Variants in GRIN3A observed in about 807,000 individuals in gnomAD.
GRIN3A encodes glutamate receptor ionotropic, NMDA 3A.
Under a neutral mutation model 92.4 loss-of-function variants are expected in GRIN3A, and 47 were observed. The observed-to-expected ratio is 0.51, with a 90% CI of 0.40 to 0.65. GRIN3A has a LOEUF of 0.65. Among genes scored for constraint, GRIN3A ranks in the 30% least tolerant of loss-of-function variants. The probability of loss-of-function intolerance (pLI) is 0.00; values close to 1 mark genes in which losing one functional copy is unlikely to be tolerated. For synonymous variants in GRIN3A, 527 were observed against 540.6 expected, an observed-to-expected ratio of 0.97 and a Z score of 0.35; for missense variants, 1,324 against 1,393.1, an observed-to-expected ratio of 0.95 and a Z score of 0.79.
At chr9:101,617,770 T>G (rs1226402960) in intron 5 of GRIN3A, among the ~76,000 whole-genome samples, 1 of 148,848 alleles carries the variant, frequency 6.7e-6, no homozygotes, top group Non-Finnish European at 1.5e-5. Context: ...TAGCATTAGG[T>G]ATATCTCCCA....
At chr9:101,643,677 T>TCA (rs1258280106) in intron 3 of GRIN3A, among the ~76,000 whole-genome samples, 6 of 144,702 alleles carry the variant, frequency 4.1e-5, no homozygotes, top group African/African-American at 1.6e-4. Context: ...TCTCTCTCTC[T>TCA]CTCTCTCACA....
chr9:101,591,207 C>G (rs968520531), intron 6 of GRIN3A, among the ~76,000 whole-genome samples: 1 of 152,152 alleles, frequency 6.6e-6, no homozygotes, highest in Non-Finnish European at 1.5e-5. Context: ...AAAACTGTCT[C>G]GTCTAACATA....
chr9:101,718,961 A>C (rs1829977540), intron 1 of GRIN3A, among the ~76,000 whole-genome samples: 1 of 152,238 alleles, frequency 6.6e-6, no homozygotes. Flanking sequence ...AGGTAAAACA[A>C]CAAGTTAATT....
At chr9:101,580,344 G>A (rs929379660) in intron 6 of GRIN3A, among the ~76,000 whole-genome samples, 3 of 152,160 alleles carry the variant, frequency 2.0e-5, no homozygotes, top group Admixed American at 6.5e-5. Context: ...GGCGCTATTC[G>A]TATGTTAATC....
chr9:101,693,421 GA>G (rs200855469), intron 1 of GRIN3A, among the ~76,000 whole-genome samples: 71 of 146,436 alleles, frequency 4.8e-4, no homozygotes, highest in African/African-American at 1.4e-3. Flanking sequence ...CTGTCTAAAA[GA>G]AAAAAAAAAT....
rs901391644 is a variant in GRIN3A at position 101,571,665 on chromosome 9, A to G, written c.*1509T>C. ...AAAACAAAACAAAACAAAACTTCTC[A>G]AACAGGTTTTCTCTTCATGCTTCTC... is the stretch of plus-strand genomic sequence containing the variant. On this transcript the variant is annotated 3_prime_UTR_variant, in exon 9 of 9. Transcript: ENST00000361820. The G allele has an allele frequency of 6.6e-6, 1 of 152,230 alleles. No homozygotes were observed. Among genetic ancestry groups the G allele is most frequent in the African/African-American group, 2.4e-5 (1 of 41,462 alleles). 9.4% of individuals were successfully genotyped at this position (152,230 alleles called of 1,614,324 possible). A position where few individuals can be genotyped will look rare whatever the true frequency, so the allele number is the denominator to read the frequency against.
rs750110532 is a variant in GRIN3A, at chr9:101,737,654, C to T, written c.326G>A (p.Gly109Asp). ...GGCGCCCTCCCCGGGCTTACGGGAGCCCGGCGGCCCCCGGCCATGCAGGGT... is the reference window on the plus strand; with the variant it reads ...GGCGCCCTCCCCGGGCTTACGGGAGTCCGGCGGCCCCCGGCCATGCAGGGT... ...GSTLHGRGPP[G>D]SRKPGEGARA... The change falls in exon 1 of 9, where the codon GGC (glycine) becomes GAC (aspartate). Residue 109 changes from glycine to aspartate, a missense_variant. Transcript: ENST00000361820. The T allele has an allele frequency of 1.4e-5, 22 of 1,599,814 alleles. No individual in the cohort carries two copies. Among genetic ancestry groups the T allele is most frequent in the Non-Finnish European group, 1.7e-5 (20 of 1,175,380 alleles).
chr9:101,619,862 T>C (rs371405574), intron 5 of GRIN3A, among the ~76,000 whole-genome samples: 4 of 152,320 alleles, frequency 2.6e-5, no homozygotes, highest in African/African-American at 9.6e-5. Context: ...CACTTTTTTT[T>C]CTCCCCTGCA....
At chr9:101,628,640 TG>T (rs1828670876) in intron 3 of GRIN3A, among the ~76,000 whole-genome samples, 1 of 152,218 alleles carries the variant, frequency 6.6e-6, no homozygotes, top group Non-Finnish European at 1.5e-5. Flanking sequence ...CAATTTTTTT[TG>T]CTTTATATTG....
rs749588660 is a variant in GRIN3A at position 101,573,198 on chromosome 9, C to T, written c.3324G>A (p.Arg1108=). The change falls in exon 9 of 9, where the codon AGG becomes AGA. Residue 1108 remains arginine, a synonymous_variant. Coordinates refer to ENST00000361820, the MANE Select transcript of GRIN3A (RefSeq NM_133445.3). ...SRKTELEEYQ[R]TSRTCES is the part of the protein sequence containing the mutation. ...CCTAGGACTCACAAGTCCGACTTGT[C>T]CTTTGATACTCCTCCAGCTCCGTTT... is the stretch of plus-strand genomic sequence containing the variant. 2 of 1,613,948 alleles carry T rather than the reference C, an allele frequency of 1.2e-6. No homozygotes were observed. Among genetic ancestry groups the T allele is most frequent in the East Asian group, 2.2e-5 (1 of 44,888 alleles).
chr9:101,650,537 A>G (rs988648377), intron 3 of GRIN3A, among the ~76,000 whole-genome samples: 4 of 152,076 alleles, frequency 2.6e-5, no homozygotes, highest in Admixed American at 2.0e-4. Flanking sequence ...TCCAACAGCC[A>G]GCTGATCCCA....
intron 1 of GRIN3A, among the ~76,000 whole-genome samples, chr9:101,711,531 A>G (rs889325904): frequency 1.3e-5 from 2 of 152,166 alleles, no homozygotes; most frequent in Non-Finnish European, 2.9e-5. Context: ...TTGCCAGTAG[A>G]GGCCACTAGG....
intron 6 of GRIN3A, among the ~76,000 whole-genome samples, chr9:101,602,763 T>C (rs1176783484): frequency 1.3e-5 from 2 of 152,150 alleles, no homozygotes; most frequent in Non-Finnish European, 2.9e-5. Flanking sequence ...TTGCTGAAAT[T>C]AGTTTTCCTT....
chr9:101,611,354 C>T (rs1029600523), intron 6 of GRIN3A, among the ~76,000 whole-genome samples: 9 of 152,142 alleles, frequency 5.9e-5, no homozygotes, highest in Admixed American at 5.9e-4. Flanking sequence ...TGTCTCTCCA[C>T]AGGGTCTCCT....
Position 101,641,298 on chromosome 9 carries a change from C to A in GRIN3A, c.2353-12897G>T, listed in dbSNP as rs549578041. Among the ~76,000 whole-genome samples the A allele has an allele frequency of 7.1e-3, 1,076 of 152,004 alleles. 4 individuals carry two copies. The highest frequency in any genetic ancestry group is 0.011 in the Non-Finnish European group (737 of 67,956). On this transcript the variant is annotated intron_variant, in intron 3 of 8. Coordinates refer to ENST00000361820, the MANE Select transcript of GRIN3A (RefSeq NM_133445.3). Reference sequence around the variant, plus strand: ...ATCCCATTACTGGGTATATACCCAACGGATTATAAATCATGCTGCTATAAA... The same window carrying A: ...ATCCCATTACTGGGTATATACCCAAAGGATTATAAATCATGCTGCTATAAA...
chr9:101,590,958 C>G, intron 6 of GRIN3A, among the ~76,000 whole-genome samples: 1 of 152,242 alleles, frequency 6.6e-6, no homozygotes, highest in Non-Finnish European at 1.5e-5. Flanking sequence ...AGAGAATATA[C>G]ACCAAAGCTA....
intron 3 of GRIN3A, among the ~76,000 whole-genome samples, chr9:101,636,305 T>C (rs1019181906): frequency 1.1e-4 from 17 of 152,242 alleles, no homozygotes; most frequent in African/African-American, 4.1e-4. Flanking sequence ...CTCTATATTA[T>C]GTCTTCTATT....
intron 1 of GRIN3A, among the ~76,000 whole-genome samples, chr9:101,701,424 A>G (rs1829751000): frequency 6.6e-6 from 1 of 152,036 alleles, no homozygotes; most frequent in African/African-American, 2.4e-5. Context: ...GTGTCCATGT[A>G]GTCTCATCAT....
intron 5 of GRIN3A, among the ~76,000 whole-genome samples, chr9:101,616,888 T>TAAAAAAA (rs75080539): frequency 9.9e-6 from 1 of 101,390 alleles, no homozygotes. Context: ...ACTTAAAGTA[T>TAAAAAAA]AAAAAAAAAA....
Sources: gnomAD v4.1 joint callset for allele counts (sites outside exome capture counted in the v4.1 genomes callset) on GRCh38, gnomAD v4.1.1 for gene constraint, MANE v1.5 for transcripts, NCBI Gene and HGNC (gene_info 2026-07-23, HGNC 2026-07-21) for gene names.